Variants in RBP2 observed in about 807,000 individuals in gnomAD.
The protein encoded by RBP2 is retinol binding protein 2.
RBP2 carries 17 observed loss-of-function variants against 17.0 expected under a neutral mutation model. The observed-to-expected ratio is 1.00, with a 90% CI of 0.68 to 1.50. RBP2 has a LOEUF of 1.50. RBP2 is among the 40% of genes most tolerant of loss of function. The pLI, the probability that RBP2 is intolerant of heterozygous loss-of-function variation, is 0.00. For missense variants in RBP2, 158 were observed against 168.2 expected (o/e 0.94, Z 0.33); for synonymous variants, 48 against 57.1 (o/e 0.84, Z 0.72).
chr3:139,458,954 G>C (rs1205233622), intron 2 of RBP2, among the ~76,000 whole-genome samples: 1 of 152,142 alleles, frequency 6.6e-6, no homozygotes, highest in African/African-American at 2.4e-5. Flanking sequence ...CCCACAGGAA[G>C]TCCTTCCTAA....
intron 1 of RBP2, among the ~76,000 whole-genome samples, chr3:139,471,876 T>C (rs1183965931): frequency 6.6e-6 from 1 of 152,226 alleles, no homozygotes; most frequent in Non-Finnish European, 1.5e-5. Flanking sequence ...TCTATCTCTG[T>C]TAGAGTGAGC....
intron 3 of RBP2, among the ~76,000 whole-genome samples, chr3:139,453,634 C>T (rs1018833543): frequency 2.6e-4 from 40 of 152,192 alleles, no homozygotes; most frequent in African/African-American, 9.2e-4. Context: ...GTGTGAGGTG[C>T]AGAAGGGCTT....
chr3:139,457,652 CAATTT>C (rs1419854493), intron 2 of RBP2, among the ~76,000 whole-genome samples: 8 of 152,124 alleles, frequency 5.3e-5, no homozygotes, highest in African/African-American at 1.9e-4. Context: ...TAAAATTTCT[CAATTT>C]AATCTGCTTT....
intron 1 of RBP2, among the ~76,000 whole-genome samples, chr3:139,475,324 TAAA>T (rs397941333): frequency 1.8e-4 from 13 of 71,590 alleles, no homozygotes; most frequent in African/African-American, 5.4e-4. Flanking sequence ...GTCCCCAAAA[TAAA>T]AAAAAAAAAA....
chr3:139,475,792 C>T (rs1392975846), intron 1 of RBP2, among the ~76,000 whole-genome samples: 3 of 152,144 alleles, frequency 2.0e-5, no homozygotes, highest in Admixed American at 1.3e-4. Context: ...CACAGGGAAC[C>T]CACTCTGTGG....
intron 1 of RBP2, among the ~76,000 whole-genome samples, chr3:139,473,594 A>G (rs536251616): frequency 6.6e-6 from 1 of 152,344 alleles, no homozygotes; most frequent in East Asian, 1.9e-4. Flanking sequence ...AGGGTAAGGA[A>G]GGCAAGCTTC....
At chr3:139,456,623 T>C (rs917239347) in intron 2 of RBP2, among the ~76,000 whole-genome samples, 2 of 152,248 alleles carry the variant, frequency 1.3e-5, no homozygotes, top group African/African-American at 4.8e-5. Flanking sequence ...TGCATATGTC[T>C]GTACATGTTT....
At chr3:139,453,825 G>T (rs548829807) in intron 3 of RBP2, among the ~76,000 whole-genome samples, 4 of 152,234 alleles carry the variant, frequency 2.6e-5, no homozygotes, top group Non-Finnish European at 5.9e-5. Context: ...GAGCACTGGG[G>T]ATTGTATTAC....
chr3:139,464,521 A>G (rs1933297224), intron 1 of RBP2, among the ~76,000 whole-genome samples: 1 of 152,128 alleles, frequency 6.6e-6, no homozygotes, highest in African/African-American at 2.4e-5. Flanking sequence ...GGCCGAGTTG[A>G]ACCTCACTTT....
chr3:139,459,301 A>AC (rs1470667402), intron 2 of RBP2, among the ~76,000 whole-genome samples: 8 of 151,612 alleles, frequency 5.3e-5, no homozygotes, highest in African/African-American at 1.7e-4. Context: ...CACGCCTGTA[A>AC]CCCCAGCAGT....
Position 139,476,437 on chromosome 3 carries a change from G to T in RBP2, c.23C>A (p.Thr8Asn). Residue 8 changes from threonine to asparagine, a missense_variant, in exon 1 of 4, where the codon ACC (threonine) becomes AAC (asparagine). Physicochemically the swap from Thr to Asn is moderately conservative, Grantham distance 65. Coordinates refer to ENST00000232217, the MANE Select transcript of RBP2 (RefSeq NM_004164.3). MTRDQNG[T>N]WEMESNENFE... ...GTTTTCATTACTCTCCATCTCCCAG[G>T]TTCCATTCTGGTCCCTTGTCATGGT... 6.2e-7 allele frequency: 1 copy of T among 1,613,896 alleles called. No individual in the cohort carries two copies. The highest frequency in any genetic ancestry group is 1.1e-5 in the South Asian group (1 of 91,046).
At chr3:139,469,581 G>A (rs548154586) in intron 1 of RBP2, among the ~76,000 whole-genome samples, 30 of 152,290 alleles carry the variant, frequency 2.0e-4, no homozygotes, top group Admixed American at 1.2e-3. Context: ...CTTTGGCAAC[G>A]TGTATACCTT....
chr3:139,460,215 C>T (rs1480072168), intron 2 of RBP2, among the ~76,000 whole-genome samples: 4 of 152,146 alleles, frequency 2.6e-5, no homozygotes, highest in Non-Finnish European at 5.9e-5. Context: ...ATTTTCCTAG[C>T]AATTCTGGTG....
At chr3:139,453,677 C>G (rs951088865) in intron 3 of RBP2, among the ~76,000 whole-genome samples, 8 of 152,200 alleles carry the variant, frequency 5.3e-5, no homozygotes, top group African/African-American at 1.9e-4. Flanking sequence ...GACAAGGTCC[C>G]GCTTTTCATC....
rs781257521 is a variant in RBP2, at chr3:139,476,368, T to A, written c.73+19A>T. The A allele has an allele frequency of 6.2e-7, 1 of 1,609,924 alleles. No homozygotes were observed. The highest frequency in any genetic ancestry group is 1.3e-5 in the African/African-American group (1 of 74,868). On this transcript the variant is annotated intron_variant, in intron 1 of 3. Transcript: ENST00000232217. The stretch of plus-strand genomic sequence containing the variant: ...CTCCCAACAACAGCTACCCTCCCCA[T>A]CCCCAGTCTCCTCCTTACCCAGGGC...
In RBP2 at chr3:139,460,534, TAAC is replaced by T. The variant is rs1015652757; in HGVS notation, c.252+1575_252+1577del. On this transcript the variant is annotated intron_variant, in intron 2 of 3. Coordinates refer to ENST00000232217, the MANE Select transcript of RBP2 (RefSeq NM_004164.3). ...GCTTTTAATTGTCACCAAATAATAA[TAAC>T]AGCTTTTCCTCCCCACCCCAGGAGA... Among the ~76,000 whole-genome samples the T allele has an allele frequency of 2.0e-5, 3 of 152,184 alleles. No individual in the cohort carries two copies. The South Asian group carries it at 6.2e-4, about 32-fold the overall frequency.
At chr3:139,457,267 T>C (rs12695699) in intron 2 of RBP2, among the ~76,000 whole-genome samples, 41,208 of 152,226 alleles carry the variant, frequency 0.27, 7,047 homozygotes, top group East Asian at 0.86. Context: ...TCTATGGTCC[T>C]ACCAGAGTGC....
chr3:139,472,895 T>A (rs1255899568), intron 1 of RBP2, among the ~76,000 whole-genome samples: 1 of 152,214 alleles, frequency 6.6e-6, no homozygotes, highest in Admixed American at 6.5e-5. Flanking sequence ...GATGGCACAG[T>A]CCCTGGCATC....
chr3:139,475,565 C>T (rs1933711878), intron 1 of RBP2, among the ~76,000 whole-genome samples: 1 of 152,102 alleles, frequency 6.6e-6, no homozygotes, highest in Admixed American at 6.5e-5. Context: ...GAGGAAGTTC[C>T]AGCGAAGTTA....
Sources: gnomAD v4.1 joint callset for allele counts (sites outside exome capture counted in the v4.1 genomes callset) on GRCh38, gnomAD v4.1.1 for gene constraint, MANE v1.5 for transcripts, NCBI Gene and HGNC (gene_info 2026-07-23, HGNC 2026-07-21) for gene names.